Variants in ZNF875 observed in about 807,000 individuals in gnomAD.
ZNF875 encodes zinc finger protein 875.
ZNF875 carries 14 observed loss-of-function variants against 11.2 expected under a neutral mutation model. That is an observed-to-expected ratio of 1.26 (90% CI 0.83 to 1.96). The LOEUF is 1.96. ZNF875 is among the 30% of genes most tolerant of loss of function. The pLI, the probability that ZNF875 is intolerant of heterozygous loss-of-function variation, is 0.00. For missense variants in ZNF875, 752 were observed against 760.4 expected (o/e 0.99, Z 0.13); for synonymous variants, 301 against 281.1 (o/e 1.07, Z -0.71).
chr19:37,334,609 C>T (rs73930969), upstream of ZNF875: 62 of 445,542 alleles, frequency 1.4e-4, no homozygotes, highest in African/African-American at 1.2e-3. Flanking sequence ...ACTTCCGCTC[C>T]CCTCCCTACC....
rs201030647 is a variant in ZNF875 at position 37,363,137 on chromosome 19, C to T, written c.1285C>T (p.Arg429Cys). Residue 429 changes from arginine to cysteine, a missense_variant, in exon 5 of 5, where the codon CGT (arginine) becomes TGT (cysteine). Coordinates refer to ENST00000392153, the MANE Select transcript of ZNF875 (RefSeq NM_001353803.2). ...EKPYVCTECG[R>C]HFSWKSNLKT... ...GCCTTATGTATGCACAGAATGTGGG[C>T]GTCACTTTAGCTGGAAATCAAACCT... is the stretch of plus-strand genomic sequence containing the variant. 5.6e-5 allele frequency: 90 copies of T among 1,613,722 alleles called. 1 individual carries two copies. The highest frequency in any genetic ancestry group is 3.7e-4 in the Admixed American group (22 of 59,974).
intron 4 of ZNF875, among the ~76,000 whole-genome samples, chr19:37,325,317 A>C (rs6508713): frequency 0.27 from 41,409 of 151,408 alleles, 7,040 homozygotes; most frequent in African/African-American, 0.48. Flanking sequence ...ATCCACCTCT[A>C]TTGTGGTTCT....
intron 1 of ZNF875, 102 bp downstream of exon 1, chr19:37,334,884 C>G: frequency 2.2e-6 from 1 of 455,956 alleles, no homozygotes; most frequent in Non-Finnish European, 4.3e-6. Flanking sequence ...GGGCGCTCTC[C>G]TTTGGGCACC....
At position 37,362,249 on chromosome 19, in the gene ZNF875, A is replaced by AC. The variant is rs781501665; in HGVS notation, c.397_398insC (p.Lys133ThrfsTer17). 6.2e-7 allele frequency: 1 copy of AC among 1,614,066 alleles called. No individual in the cohort carries two copies. On this transcript the variant is annotated frameshift_variant, in exon 5 of 5. Coordinates refer to ENST00000392153, the MANE Select transcript of ZNF875 (RefSeq NM_001353803.2). LOFTEE classifies it low-confidence loss of function (END_TRUNC). ...GGCAGGAAATCCTCTCCACCTGGGA[A>AC]AACACTATCCAGAAGATCAGAAACA...
chr19:37,347,497 G>A, intron 3 of ZNF875, 181 bp downstream of exon 3: 2 of 631,304 alleles, frequency 3.2e-6, no homozygotes, highest in African/African-American at 1.8e-5. Flanking sequence ...ATTTATTCAT[G>A]TTATGGATGA....
At chr19:37,356,824 G>C (rs2038992253) in intron 4 of ZNF875, among the ~76,000 whole-genome samples, 1 of 152,094 alleles carries the variant, frequency 6.6e-6, no homozygotes, top group Admixed American at 6.6e-5. Context: ...AAGCTCTTTT[G>C]CTTAATTAAA....
upstream of ZNF875, among the ~76,000 whole-genome samples, chr19:37,330,493 G>A (rs770283408): frequency 1.3e-5 from 2 of 152,126 alleles, no homozygotes; most frequent in Admixed American, 1.3e-4. Context: ...GACTTAATGT[G>A]CTCTTCCTGC....
Position 37,347,269 on chromosome 19 carries a change from T to C in ZNF875, c.113T>C (p.Leu38Pro). ...WRLLSPAQRT[L>P]HREVMLETYN... ...TTGTTGAGCCCTGCTCAGAGGACCC[T>C]GCACAGGGAGGTGATGCTGGAGACT... is the stretch of plus-strand genomic sequence containing the variant. Residue 38 changes from leucine to proline, a missense_variant, in exon 3 of 5, where the codon CTG becomes CCG. By Grantham distance (98) the Leu-to-Pro change is moderately conservative. Coordinates refer to ENST00000392153, the MANE Select transcript of ZNF875 (RefSeq NM_001353803.2). 1 of 1,614,160 alleles carries C rather than the reference T, an allele frequency of 6.2e-7. No individual in the cohort carries two copies. The highest frequency in any genetic ancestry group is 1.1e-5 in the South Asian group (1 of 91,090).
Position 37,363,831 on chromosome 19 carries a change from T to C in ZNF875, c.*56T>C. ...GCCTTTAGCCAGGAGTCATACTTCA[T>C]CAGACACCAGAGGACACACACAGTG... is the stretch of plus-strand genomic sequence containing the variant. On this transcript the variant is annotated 3_prime_UTR_variant, in exon 5 of 5. Transcript: ENST00000392153. 5 of 1,440,388 alleles carry C rather than the reference T, an allele frequency of 3.5e-6. No individual in the cohort carries two copies. Among genetic ancestry groups the C allele is most frequent in the Non-Finnish European group, 4.8e-6 (5 of 1,031,878 alleles). The allele number at this position is 1,440,388 out of a possible 1,614,324, so 89.2% of individuals were successfully genotyped here. A position where few individuals can be genotyped will look rare whatever the true frequency, so the allele number is the denominator to read the frequency against.
intron 2 of ZNF875, 97 bp from the exon 3 acceptor site, chr19:37,347,093 A>G: frequency 1.3e-6 from 2 of 1,549,746 alleles, no homozygotes; most frequent in Non-Finnish European, 1.8e-6. Flanking sequence ...CTGGGATTAC[A>G]GGCATGAACC....
At chr19:37,326,382 CT>C (rs1434682944) in intron 4 of ZNF875, among the ~76,000 whole-genome samples, 1 of 152,178 alleles carries the variant, frequency 6.6e-6, no homozygotes, top group Non-Finnish European at 1.5e-5. Flanking sequence ...TCCCTCCTCT[CT>C]TCCTGTCTCT....
intron 4 of ZNF875, chr19:37,329,098 GTAT>G (rs1016167006): frequency 5.9e-5 from 9 of 152,342 alleles, no homozygotes; most frequent in African/African-American, 2.2e-4. Flanking sequence ...GTGAGCTGCT[GTAT>G]TAGATGGTGT....
intron 2 of ZNF875, among the ~76,000 whole-genome samples, chr19:37,340,443 C>T (rs1247910464): frequency 1.3e-5 from 2 of 152,188 alleles, no homozygotes; most frequent in Non-Finnish European, 1.5e-5. Flanking sequence ...TTGCCACCCA[C>T]TACATGTTTC....
intron 4 of ZNF875, among the ~76,000 whole-genome samples, chr19:37,325,470 A>G (rs2032269138): frequency 6.6e-6 from 1 of 152,186 alleles, no homozygotes; most frequent in South Asian, 2.1e-4. Flanking sequence ...TTAATGTTTT[A>G]TTTCACCTAA....
chr19:37,331,185 T>G (rs2033319554), upstream of ZNF875, among the ~76,000 whole-genome samples: 3 of 22,710 alleles, frequency 1.3e-4, no homozygotes, highest in South Asian at 8.8e-3. Flanking sequence ...AGACTCTGTC[T>G]CAAAAAAAAA....
chr19:37,340,797 G>A (rs939823432), intron 2 of ZNF875, among the ~76,000 whole-genome samples: 2 of 151,344 alleles, frequency 1.3e-5, no homozygotes, highest in Admixed American at 6.6e-5. Flanking sequence ...TACAGGTGCC[G>A]ACCACCACGC....
At chr19:37,338,104 C>T (rs954170676) in intron 2 of ZNF875, among the ~76,000 whole-genome samples, 1 of 152,152 alleles carries the variant, frequency 6.6e-6, no homozygotes. Flanking sequence ...CCCAAGGTAA[C>T]ATTGAATATT....
intron 2 of ZNF875, chr19:37,337,133 A>G (rs1023260546): frequency 6.6e-6 from 1 of 150,492 alleles, no homozygotes; most frequent in African/African-American, 2.5e-5. Flanking sequence ...GAGCTGAACA[A>G]CGTCTTTATC....
chr19:37,329,359 A>G (rs1385722485), intron 4 of ZNF875, among the ~76,000 whole-genome samples: 1 of 152,108 alleles, frequency 6.6e-6, no homozygotes, highest in East Asian at 1.9e-4. Flanking sequence ...TTTGCCATCT[A>G]CTGCTGCAGG....
Sources: gnomAD v4.1 joint callset for allele counts (sites outside exome capture counted in the v4.1 genomes callset) on GRCh38, gnomAD v4.1.1 for gene constraint, MANE v1.5 for transcripts, NCBI Gene and HGNC (gene_info 2026-07-23, HGNC 2026-07-21) for gene names.